Variants in PALM2AKAP2 observed in about 807,000 individuals in gnomAD.
PALM2AKAP2 encodes the protein PALM2 and AKAP2 fusion.
In PALM2AKAP2, 37 loss-of-function variants were observed where a neutral mutation model predicts 71.5. The observed-to-expected ratio is 0.52, with a 90% CI of 0.40 to 0.68. The LOEUF is 0.68. PALM2AKAP2 is among the 30% of genes least tolerant of loss of function. The pLI is 0.00. For synonymous variants in PALM2AKAP2, 468 were observed against 478.8 expected, an observed-to-expected ratio of 0.98 and a Z score of 0.29; for missense variants, 1,224 against 1,191.8, an observed-to-expected ratio of 1.03 and a Z score of -0.40.
At chr9:109,665,451 T>A (rs1476783367) in intron 1 of PALM2AKAP2, among the ~76,000 whole-genome samples, 1 of 152,214 alleles carries the variant, frequency 6.6e-6, no homozygotes, top group East Asian at 1.9e-4. Context: ...GTCCTTTAGA[T>A]GCAGGTCTGT....
intron 1 of PALM2AKAP2, among the ~76,000 whole-genome samples, chr9:109,718,905 C>T (rs1409554998): frequency 2.0e-5 from 3 of 152,024 alleles, no homozygotes; most frequent in Non-Finnish European, 2.9e-5. Context: ...TATCATATCT[C>T]GATTTACATT....
intron 1 of PALM2AKAP2, among the ~76,000 whole-genome samples, chr9:109,859,506 A>G (rs1002520415): frequency 2.6e-5 from 4 of 152,248 alleles, no homozygotes; most frequent in Non-Finnish European, 5.9e-5. Flanking sequence ...TATACATCCT[A>G]TGCATGTAAC....
At chr9:109,714,538 A>G (rs774802027) in intron 1 of PALM2AKAP2, among the ~76,000 whole-genome samples, 32 of 152,062 alleles carry the variant, frequency 2.1e-4, no homozygotes, top group Non-Finnish European at 4.0e-4. Context: ...TCTGTTTCCA[A>G]CCATCCAAGT....
intron 1 of PALM2AKAP2, among the ~76,000 whole-genome samples, chr9:109,673,920 C>A (rs1435324316): frequency 6.6e-6 from 1 of 151,910 alleles, no homozygotes; most frequent in Non-Finnish European, 1.5e-5. Flanking sequence ...GGATTGCAAC[C>A]CCTGCTTTTT....
At chr9:110,168,677 C>A in exon 4 of PALM2AKAP2, 1 of 734,738 alleles carries the variant, frequency 1.4e-6, no homozygotes, top group Non-Finnish European at 2.1e-6. Flanking sequence ...GTCCCCCCAT[C>A]AGACTCTGGA....
At chr9:110,052,839 T>C (rs575012633) in intron 1 of PALM2AKAP2, among the ~76,000 whole-genome samples, 1 of 152,348 alleles carries the variant, frequency 6.6e-6, no homozygotes, top group African/African-American at 2.4e-5. Context: ...TGTAATTTTA[T>C]AGGATTATGG....
At chr9:109,966,879 C>T (rs183449805) in intron 6 of PALM2AKAP2, among the ~76,000 whole-genome samples, 20 of 152,264 alleles carry the variant, frequency 1.3e-4, no homozygotes, top group East Asian at 3.9e-4. Flanking sequence ...TCTGGTGCCG[C>T]GGGTCTGCCG....
chr9:109,742,536 G>A (rs907698870), intron 1 of PALM2AKAP2, among the ~76,000 whole-genome samples: 2 of 152,120 alleles, frequency 1.3e-5, no homozygotes, highest in African/African-American at 4.8e-5. Flanking sequence ...ATGAGTACAT[G>A]TGATGTTCTC....
At chr9:110,107,768 T>C (rs984093438) in intron 1 of PALM2AKAP2, among the ~76,000 whole-genome samples, 10 of 152,270 alleles carry the variant, frequency 6.6e-5, no homozygotes, top group Non-Finnish European at 2.9e-5. Context: ...GGTTTCACCA[T>C]GTTAGCCAGG....
At chr9:109,674,249 G>A (rs1827617021) in intron 1 of PALM2AKAP2, among the ~76,000 whole-genome samples, 1 of 151,760 alleles carries the variant, frequency 6.6e-6, no homozygotes, top group Admixed American at 6.6e-5. Context: ...TATGCCTATA[G>A]ATTCCTTGAC....
At chr9:109,964,276 T>C (rs777964311) in intron 6 of PALM2AKAP2, among the ~76,000 whole-genome samples, 8 of 152,214 alleles carry the variant, frequency 5.3e-5, no homozygotes, top group Non-Finnish European at 1.0e-4. Context: ...TGTCTGGTGC[T>C]TACAGGAATG....
chr9:109,703,236 C>T (rs887508139), intron 1 of PALM2AKAP2, among the ~76,000 whole-genome samples: 1 of 151,980 alleles, frequency 6.6e-6, no homozygotes, highest in Non-Finnish European at 1.5e-5. Flanking sequence ...GTCAGTATTC[C>T]CAGTAAAATG....
At chr9:109,758,786 GA>G (rs1829006604) in intron 1 of PALM2AKAP2, among the ~76,000 whole-genome samples, 1 of 151,996 alleles carries the variant, frequency 6.6e-6, no homozygotes. Context: ...AAAGGGTGGG[GA>G]TCAGATTCTG....
At chr9:110,041,054 G>A (rs549295286) in intron 7 of PALM2AKAP2, among the ~76,000 whole-genome samples, 1 of 152,264 alleles carries the variant, frequency 6.6e-6, no homozygotes, top group South Asian at 2.1e-4. Flanking sequence ...GACCTCATAG[G>A]ACTTTGCTCC....
intron 6 of PALM2AKAP2, among the ~76,000 whole-genome samples, chr9:109,964,491 T>A (rs960786241): frequency 3.9e-5 from 6 of 152,260 alleles, no homozygotes; most frequent in Non-Finnish European, 7.3e-5. Context: ...AGATTAATTA[T>A]GTCTTTTCCT....
chr9:109,980,109 CATA>C lies in PALM2AKAP2; in HGVS notation c.497-35844_497-35842del, dbSNP rs1832243419. ...CTAAACCCTCACTGTGCCCTGTGCC[CATA>C]GTAGGCCACTCCACCATCACTCTTC... On this transcript the variant is annotated intron_variant, in intron 6 of 9. Transcript: ENST00000302798. Among the ~76,000 whole-genome samples the C allele has an allele frequency of 2.0e-5, 3 of 152,294 alleles. No homozygotes were observed. In the South Asian group the frequency reaches 6.2e-4, roughly 32 times the overall value.
chr9:109,655,366 A>C (rs2132236386), intron 1 of PALM2AKAP2, among the ~76,000 whole-genome samples: 1 of 151,616 alleles, frequency 6.6e-6, no homozygotes, highest in Non-Finnish European at 1.5e-5. Context: ...AGGAACAGAG[A>C]TTTATATAGT....
At chr9:109,819,435 G>C (rs1827932407) in intron 1 of PALM2AKAP2, among the ~76,000 whole-genome samples, 1 of 152,226 alleles carries the variant, frequency 6.6e-6, no homozygotes, top group African/African-American at 2.4e-5. Flanking sequence ...TTATGTGGCA[G>C]GGAGACCTGG....
At chr9:109,758,310 T>G (rs976765062) in intron 1 of PALM2AKAP2, among the ~76,000 whole-genome samples, 9 of 152,130 alleles carry the variant, frequency 5.9e-5, no homozygotes, top group Middle Eastern at 3.2e-3. Context: ...CGACAGTGAA[T>G]AATGTTGTTC....
Sources: allele counts gnomAD v4.1 joint callset (sites outside exome capture counted in the v4.1 genomes callset), GRCh38; gene constraint gnomAD v4.1.1; transcripts MANE v1.5; gene names NCBI Gene and HGNC (gene_info 2026-07-23, HGNC 2026-07-21).